Variants in CHL1 observed in about 807,000 individuals in gnomAD.
CHL1 encodes the protein cell adhesion molecule L1 like.
CHL1 carries 96 observed loss-of-function variants against 141.9 expected under a neutral mutation model. That is an observed-to-expected ratio of 0.68 (90% CI 0.57 to 0.80). The LOEUF is 0.80. Ranked by LOEUF, CHL1 falls within the 30% of genes least tolerant of loss-of-function variation. The pLI, the probability that CHL1 is intolerant of heterozygous loss-of-function variation, is 0.00. For synonymous variants in CHL1, 613 were observed against 502.2 expected (o/e 1.22, Z -2.95); for missense variants, 1,820 against 1,457.2 (o/e 1.25, Z -4.05).
chr3:321,093 TCTGA>T (rs1448772263), intron 3 of CHL1, among the ~76,000 whole-genome samples: 7 of 152,208 alleles, frequency 4.6e-5, no homozygotes, highest in South Asian at 2.1e-4. Context: ...GAAACAACTC[TCTGA>T]CTATCTATAA....
At chr3:225,635 C>G (rs1293575408) in intron 1 of CHL1, among the ~76,000 whole-genome samples, 1 of 152,190 alleles carries the variant, frequency 6.6e-6, no homozygotes, top group Non-Finnish European at 1.5e-5. Flanking sequence ...TAGTCACACA[C>G]ACACACAAAA....
intron 2 of CHL1, among the ~76,000 whole-genome samples, chr3:256,502 A>G (rs1194191720): frequency 6.6e-6 from 1 of 152,220 alleles, no homozygotes; most frequent in African/African-American, 2.4e-5. Context: ...CTTCAGGAGC[A>G]TTTGGTAACA....
intron 5 of CHL1, among the ~76,000 whole-genome samples, chr3:337,922 G>T (rs1437105831): frequency 6.6e-6 from 1 of 152,128 alleles, no homozygotes; most frequent in Non-Finnish European, 1.5e-5. Flanking sequence ...GGTATTTCTA[G>T]TTCTAGATCC....
intron 2 of CHL1, among the ~76,000 whole-genome samples, chr3:249,974 CT>C (rs58141673): frequency 1.3e-3 from 195 of 147,728 alleles, no homozygotes; most frequent in Admixed American, 3.2e-3. Context: ...AAAAAGCATA[CT>C]TTTTTTTTTT....
At chr3:321,806 A>T (rs1700584679) in intron 3 of CHL1, among the ~76,000 whole-genome samples, 1 of 152,088 alleles carries the variant, frequency 6.6e-6, no homozygotes, top group African/African-American at 2.4e-5. Flanking sequence ...GAGCACTCAC[A>T]AATAAATGCA....
intron 5 of CHL1, among the ~76,000 whole-genome samples, chr3:333,179 G>A (rs1287918987): frequency 8.3e-6 from 1 of 120,842 alleles, no homozygotes; most frequent in African/African-American, 3.1e-5. Flanking sequence ...AATAAATTAG[G>A]TTTCTTATGC....
chr3:219,915 A>T (rs185313611), intron 1 of CHL1, among the ~76,000 whole-genome samples: 48 of 152,356 alleles, frequency 3.2e-4, no homozygotes, highest in Middle Eastern at 3.4e-3. Flanking sequence ...AGACAACCTC[A>T]TGAATAGTCA....
chr3:260,455 G>A (rs913491004), intron 2 of CHL1, among the ~76,000 whole-genome samples: 1 of 152,096 alleles, frequency 6.6e-6, no homozygotes, highest in African/African-American at 2.4e-5. Flanking sequence ...TATAATGTAG[G>A]TTTATTATTT....
chr3:354,544 G>C, intron 10 of CHL1, 96 bp from the exon 11 acceptor site: 3 of 1,373,590 alleles, frequency 2.2e-6, no homozygotes, highest in East Asian at 2.3e-5. Context: ...TGTGGTGTCT[G>C]CCCTCTGCTG....
intron 2 of CHL1, among the ~76,000 whole-genome samples, chr3:305,426 C>T (rs1166501130): frequency 3.9e-5 from 6 of 152,034 alleles, no homozygotes; most frequent in South Asian, 2.1e-4. Flanking sequence ...TGATTAAGAA[C>T]GCTTGCATTA....
chr3:377,194 G>C (rs1706437583), intron 15 of CHL1, among the ~76,000 whole-genome samples: 1 of 152,100 alleles, frequency 6.6e-6, no homozygotes, highest in Admixed American at 6.5e-5. Context: ...TCACAAATTG[G>C]TAAAAACAAA....
intron 1 of CHL1, among the ~76,000 whole-genome samples, chr3:228,592 A>C (rs1419580299): frequency 6.6e-6 from 1 of 152,206 alleles, no homozygotes; most frequent in East Asian, 1.9e-4. Context: ...ACTAGAACTA[A>C]CATAAATTGA....
At chr3:383,630 A>T (rs566741124) in intron 18 of CHL1, among the ~76,000 whole-genome samples, 186 bp from the exon 19 acceptor site, 79 of 152,256 alleles carry the variant, frequency 5.2e-4, no homozygotes, top group African/African-American at 1.8e-3. Flanking sequence ...AGACTGTTTT[A>T]CTCTTTTAAA....
At chr3:295,926 T>G (rs1003630367) in intron 2 of CHL1, among the ~76,000 whole-genome samples, 1 of 152,202 alleles carries the variant, frequency 6.6e-6, no homozygotes, top group Non-Finnish European at 1.5e-5. Context: ...AAGTCTCTCA[T>G]TTTGAATTCG....
intron 26 of CHL1, 69 bp downstream of exon 26, chr3:399,217 C>A (rs898812575): frequency 7.4e-7 from 1 of 1,357,266 alleles, no homozygotes; most frequent in Non-Finnish European, 1.0e-6. Flanking sequence ...TCTTCAGAGA[C>A]AACTTTTTTT....
At chr3:380,661 G>A (rs1706918978) in intron 16 of CHL1, among the ~76,000 whole-genome samples, 1 of 152,092 alleles carries the variant, frequency 6.6e-6, no homozygotes, top group African/African-American at 2.4e-5. Context: ...TACTCTTTTT[G>A]AGAACTCCAG....
At chr3:377,097 T>C (rs1292201373) in intron 15 of CHL1, among the ~76,000 whole-genome samples, 2 of 152,188 alleles carry the variant, frequency 1.3e-5, no homozygotes, top group East Asian at 3.9e-4. Flanking sequence ...TTACGGAACT[T>C]GAAAAATACT....
intron 18 of CHL1, 54 bp downstream of exon 18, chr3:382,725 T>G: frequency 6.8e-7 from 1 of 1,466,484 alleles, no homozygotes; most frequent in Non-Finnish European, 9.5e-7. Flanking sequence ...GTCCCCATCT[T>G]TGAACATCTA....
chr3:280,516 G>A (rs1254645085), intron 2 of CHL1, among the ~76,000 whole-genome samples: 1 of 152,116 alleles, frequency 6.6e-6, no homozygotes, highest in African/African-American at 2.4e-5. Context: ...TTAAAGTGCT[G>A]AAACAATTTT....
Sources: gnomAD v4.1 joint callset for allele counts (sites outside exome capture counted in the v4.1 genomes callset) on GRCh38, gnomAD v4.1.1 for gene constraint, MANE v1.5 for transcripts, NCBI Gene and HGNC (gene_info 2026-07-23, HGNC 2026-07-21) for gene names.